The following GPATCH8 variants were observed in gnomAD, a reference collection of about 807,000 sequenced individuals.
The protein encoded by GPATCH8 is G patch domain-containing protein 8.
Under a neutral mutation model 118.3 loss-of-function variants are expected in GPATCH8, and 18 were observed. The observed-to-expected ratio is 0.15, with a 90% CI of 0.11 to 0.23. The LOEUF (loss-of-function observed/expected upper bound fraction) is 0.23, where lower values mean the gene tolerates loss of function less well. GPATCH8 is among the 10% of genes least tolerant of loss of function. GPATCH8 has a pLI of 1.00. For synonymous variants in GPATCH8, 659 were observed against 684.7 expected (o/e 0.96, Z 0.59); for missense variants, 1,631 against 1,873.8 (o/e 0.87, Z 2.39).
At chr17:44,412,647 G>T (rs1249648497) in intron 6 of GPATCH8, among the ~76,000 whole-genome samples, 1 of 152,064 alleles carries the variant, frequency 6.6e-6, no homozygotes, top group East Asian at 1.9e-4. Flanking sequence ...GCCTCCCAAA[G>T]TGCTGGGATT....
chr17:44,434,257 T>A (rs1211384543), intron 5 of GPATCH8, among the ~76,000 whole-genome samples: 1 of 151,472 alleles, frequency 6.6e-6, no homozygotes, highest in East Asian at 1.9e-4. Context: ...CTAAAGTCAG[T>A]ATAAATAGGC....
intron 1 of GPATCH8, among the ~76,000 whole-genome samples, chr17:44,480,663 T>C (rs1598607157): frequency 6.7e-6 from 1 of 149,030 alleles, no homozygotes; most frequent in African/African-American, 2.5e-5. Context: ...GAGGTTGCAG[T>C]GAGCTGAGAT....
chr17:44,410,411 T>C (rs897690825), intron 6 of GPATCH8, among the ~76,000 whole-genome samples: 4 of 152,210 alleles, frequency 2.6e-5, no homozygotes, highest in African/African-American at 9.6e-5. Flanking sequence ...GCAAATTCCA[T>C]ACCATACACA....
At chr17:44,448,951 A>G (rs1424404335) in intron 3 of GPATCH8, among the ~76,000 whole-genome samples, 2 of 152,156 alleles carry the variant, frequency 1.3e-5, no homozygotes, top group South Asian at 2.1e-4. Flanking sequence ...TTCTATTTGC[A>G]TTAAAAAATG....
intron 1 of GPATCH8, among the ~76,000 whole-genome samples, chr17:44,476,069 G>A (rs1039941921): frequency 3.9e-5 from 6 of 152,150 alleles, no homozygotes; most frequent in Non-Finnish European, 5.9e-5. Context: ...TCTAGGCCTA[G>A]TAATCTGAAC....
intron 3 of GPATCH8, among the ~76,000 whole-genome samples, chr17:44,451,829 T>G (rs1406234807): frequency 6.6e-6 from 1 of 152,184 alleles, no homozygotes; most frequent in Non-Finnish European, 1.5e-5. Context: ...CTACTGTATA[T>G]TTCAATTCGG....
intron 2 of GPATCH8, chr17:44,465,615 T>C (rs1478794341): frequency 3.3e-5 from 5 of 152,200 alleles, no homozygotes; most frequent in Non-Finnish European, 5.9e-5. Context: ...GTATTCTATA[T>C]GTATTAAAAT....
intron 6 of GPATCH8, among the ~76,000 whole-genome samples, chr17:44,407,808 C>T (rs1015665929): frequency 6.6e-6 from 1 of 151,978 alleles, no homozygotes; most frequent in Admixed American, 6.6e-5. Context: ...AGGCGTGAAC[C>T]CCTATGCTTG....
intron 4 of GPATCH8, among the ~76,000 whole-genome samples, chr17:44,435,411 C>CTTTT (rs566253126): frequency 0.021 from 2,106 of 99,714 alleles, 111 homozygotes; most frequent in Middle Eastern, 0.034. Flanking sequence ...TCTTTCTTTC[C>CTTTT]TTTTTTTTTT....
chr17:44,397,556 C>T lies in GPATCH8; in HGVS notation c.*12G>A, dbSNP rs1203092995. On this transcript the variant is annotated 3_prime_UTR_variant, in exon 8 of 8. Transcript: ENST00000591680. Reference sequence around the variant, plus strand: ...TCCTCCCCTGGCCCTACCTAGGATCCCATCCCCCAACTCACGTGCCATGGC... The same window carrying T: ...TCCTCCCCTGGCCCTACCTAGGATCTCATCCCCCAACTCACGTGCCATGGC... 1.3e-6 allele frequency: 2 copies of T among 1,594,454 alleles called. No homozygotes were observed. Among genetic ancestry groups the T allele is most frequent in the African/African-American group, 2.7e-5 (2 of 74,536 alleles).
At chr17:44,420,499 CTAG>C (rs1459101546) in intron 6 of GPATCH8, among the ~76,000 whole-genome samples, 1 of 152,182 alleles carries the variant, frequency 6.6e-6, no homozygotes, top group African/African-American at 2.4e-5. Context: ...CCTCAACCTA[CTAG>C]ATGCCAGTAG....
chr17:44,467,554 C>T (rs1415276441), intron 2 of GPATCH8, among the ~76,000 whole-genome samples: 1 of 152,134 alleles, frequency 6.6e-6, no homozygotes, highest in Non-Finnish European at 1.5e-5. Context: ...TCCTTCCAAT[C>T]ATAACAAAGG....
chr17:44,501,170 A>T (rs2069013555), intron 1 of GPATCH8, among the ~76,000 whole-genome samples: 1 of 152,172 alleles, frequency 6.6e-6, no homozygotes, highest in Non-Finnish European at 1.5e-5. Flanking sequence ...CTGTAATCCT[A>T]GCACTTTGGG....
At chr17:44,478,607 G>A (rs1046553013) in intron 1 of GPATCH8, among the ~76,000 whole-genome samples, 1 of 151,904 alleles carries the variant, frequency 6.6e-6, no homozygotes, top group Non-Finnish European at 1.5e-5. Flanking sequence ...AGACTGCTGT[G>A]AGCTGACTGA....
intron 1 of GPATCH8, among the ~76,000 whole-genome samples, chr17:44,495,887 A>G (rs920611172): frequency 2.6e-5 from 4 of 152,162 alleles, no homozygotes; most frequent in African/African-American, 9.7e-5. Flanking sequence ...TTTGGTTTTG[A>G]GATGGAGTCT....
chr17:44,426,784 G>A (rs756125600), intron 5 of GPATCH8, among the ~76,000 whole-genome samples: 34 of 150,828 alleles, frequency 2.3e-4, no homozygotes, highest in Non-Finnish European at 4.3e-4. Context: ...CAGCAGCTAG[G>A]CAAAAACAAT....
chr17:44,453,155 G>C (rs911891421), intron 3 of GPATCH8, among the ~76,000 whole-genome samples: 6 of 152,266 alleles, frequency 3.9e-5, no homozygotes, highest in Admixed American at 3.9e-4. Flanking sequence ...CTGGCTGTAA[G>C]TCTATACCTC....
At chr17:44,502,829 AG>A (rs1970191586) in intron 1 of GPATCH8, among the ~76,000 whole-genome samples, 1 of 152,254 alleles carries the variant, frequency 6.6e-6, no homozygotes, top group East Asian at 1.9e-4. Flanking sequence ...GGTAAGGAAG[AG>A]GAAAAGCAGA....
chr17:44,450,008 G>T (rs1156927471), intron 3 of GPATCH8, among the ~76,000 whole-genome samples: 1 of 152,136 alleles, frequency 6.6e-6, no homozygotes, highest in African/African-American at 2.4e-5. Flanking sequence ...ATATACTGGA[G>T]AGAGAAATAT....
Sources: gnomAD v4.1 joint callset for allele counts (sites outside exome capture counted in the v4.1 genomes callset) on GRCh38, gnomAD v4.1.1 for gene constraint, MANE v1.5 for transcripts, NCBI Gene and HGNC (gene_info 2026-07-23, HGNC 2026-07-21) for gene names.